Variants in AGAP1 observed in about 807,000 individuals in gnomAD.
AGAP1 encodes ArfGAP with GTPase domain, ankyrin repeat and PH domain 1.
Under a neutral mutation model 105.3 loss-of-function variants are expected in AGAP1, and 29 were observed. That is an observed-to-expected ratio of 0.28 (90% confidence interval 0.21 to 0.38). AGAP1 has a LOEUF of 0.38. Ranked by LOEUF, AGAP1 falls within the 10% of genes least tolerant of loss-of-function variation. AGAP1 has a pLI of 1.00. For missense variants in AGAP1, 998 were observed against 1,165.1 expected, an observed-to-expected ratio of 0.86 and a Z score of 2.09; for synonymous variants, 509 against 485.9, an observed-to-expected ratio of 1.05 and a Z score of -0.63.
In AGAP1 at chr2:235,681,473, C is replaced by A. The variant is rs192303945; in HGVS notation, c.164-27706C>A. 1.1e-3 allele frequency among the ~76,000 whole-genome samples: 167 copies of A among 152,288 alleles called. 1 individual carries two copies. The South Asian group carries it at 0.013, about 12-fold the overall frequency. ...ACCTTTCCTCCAGCTGGTGAACCAC[C>A]TTGTCTACTCCCTTGCCCCAACACA... On this transcript the variant is annotated intron_variant, in intron 1 of 17. Coordinates refer to ENST00000304032, the MANE Select transcript of AGAP1 (RefSeq NM_001037131.3).
At chr2:235,591,567 G>A (rs1156419140) in intron 1 of AGAP1, among the ~76,000 whole-genome samples, 1 of 152,082 alleles carries the variant, frequency 6.6e-6, no homozygotes, top group Non-Finnish European at 1.5e-5. Context: ...ATAAGCATAC[G>A]GCCTCTTCAG....
At chr2:235,852,646 C>A in intron 9 of AGAP1, 1 of 1,414,422 alleles carries the variant, frequency 7.1e-7, no homozygotes, top group Non-Finnish European at 9.3e-7. Context: ...TCAGATAAAG[C>A]AGTTGTGAAG....
rs767261188 is a variant in AGAP1 at position 235,874,979 on chromosome 2, A to G, written c.1051-8366A>G. Among the ~76,000 whole-genome samples the G allele has an allele frequency of 1.3e-5, 2 of 152,216 alleles. No homozygotes were observed. Among genetic ancestry groups the G allele is most frequent in the African/African-American group, 4.8e-5 (2 of 41,458 alleles). ...CTTGTGAAGCGGAAGCAAACTAGAAACAGCTCTCCCAAACGTGGGCAAAAA... is the reference window on the plus strand; with the variant it reads ...CTTGTGAAGCGGAAGCAAACTAGAAGCAGCTCTCCCAAACGTGGGCAAAAA... On this transcript the variant is annotated intron_variant, in intron 9 of 17. Transcript: ENST00000304032. This position sits in a 1 kb window ranked among gnomAD's most constrained non-coding sequence, Gnocchi z 4.5.
At chr2:235,526,467 G>C (rs1042579111) in intron 1 of AGAP1, among the ~76,000 whole-genome samples, 1 of 152,182 alleles carries the variant, frequency 6.6e-6, no homozygotes, top group African/African-American at 2.4e-5. Context: ...TGTTTACTTG[G>C]AGACTGTGAA....
At chr2:235,816,472 G>A (rs1380529796) in intron 9 of AGAP1, among the ~76,000 whole-genome samples, 1 of 150,890 alleles carries the variant, frequency 6.6e-6, no homozygotes, top group East Asian at 2.0e-4. Flanking sequence ...AGAAAGAGCA[G>A]GAGTGCAGAG....
At chr2:235,501,601 T>C (rs1941563963) in intron 1 of AGAP1, among the ~76,000 whole-genome samples, 1 of 152,214 alleles carries the variant, frequency 6.6e-6, no homozygotes, top group African/African-American at 2.4e-5. Flanking sequence ...CTCTTGTTTT[T>C]TGCCTAAACC....
rs115705601 is a variant in AGAP1, at chr2:236,046,435, G to A, written c.1892-2624G>A. 2.9e-3 allele frequency among the ~76,000 whole-genome samples: 441 copies of A among 152,276 alleles called. 1 individual carries two copies. The highest frequency in any genetic ancestry group is 0.01 in the African/African-American group (431 of 41,560). On this transcript the variant is annotated intron_variant, in intron 15 of 17. Transcript: ENST00000304032. This position sits in a 1 kb window ranked among gnomAD's most constrained non-coding sequence, Gnocchi z 5.2. ...AGGACGCCCATGGGAGCATAAGTTC[G>A]AGAAGAAAGCGTTGGACTTATGAGA... is the stretch of plus-strand genomic sequence containing the variant.
Position 236,040,356 on chromosome 2 carries a change from C to G in AGAP1, c.1801-395C>G, listed in dbSNP as rs976272252. On this transcript the variant is annotated intron_variant, in intron 14 of 17. Transcript: ENST00000304032. This position sits in a 1 kb window ranked among gnomAD's most constrained non-coding sequence, Gnocchi z 5.6. ...TTACATTGCTGATGAAGCCCTAACCCTGGGCTTATAAACGGATTATTTCTT... is the reference window on the plus strand; with the variant it reads ...TTACATTGCTGATGAAGCCCTAACCGTGGGCTTATAAACGGATTATTTCTT... Among the ~76,000 whole-genome samples the G allele has an allele frequency of 3.3e-5, 5 of 152,114 alleles. No homozygotes were observed. Among genetic ancestry groups the G allele is most frequent in the Non-Finnish European group, 5.9e-5 (4 of 68,012 alleles).
rs544148751 is a variant in AGAP1, at chr2:235,744,420, G to A, written c.397-278G>A. ...GACAGGCCAGGAGCATGAGGACCGC[G>A]GGGACACTGTGTGGTTTGTGTCCTC... On this transcript the variant is annotated intron_variant, in intron 4 of 17. Transcript: ENST00000304032. The surrounding 1 kb of genome is among the most constrained non-coding windows in gnomAD (Gnocchi z 5.2). 1.2e-3 allele frequency among the ~76,000 whole-genome samples: 190 copies of A among 152,298 alleles called. 1 individual carries two copies. The highest frequency in any genetic ancestry group is 2.4e-3 in the Non-Finnish European group (165 of 68,034).
rs939276083 is a variant in AGAP1 at position 236,048,962 on chromosome 2, T to C, written c.1892-97T>C. 2.3e-5 allele frequency: 27 copies of C among 1,194,604 alleles called. No homozygotes were observed. The African/African-American group carries it at 3.9e-4, about 17-fold the overall frequency. 74.0% of individuals were successfully genotyped at this position (1,194,604 alleles called of 1,614,324 possible). On this transcript the variant is annotated intron_variant, in intron 15 of 17. Coordinates refer to ENST00000304032, the MANE Select transcript of AGAP1 (RefSeq NM_001037131.3). ...CGCCATGGATGTGGTTCTGTCGTTG[T>C]GAAGTTTGACTGATTCGTCGCCTTG...
In AGAP1 at chr2:235,610,877, C is replaced by T. The variant is rs536856212; in HGVS notation, c.164-98302C>T. On this transcript the variant is annotated intron_variant, in intron 1 of 17. Transcript: ENST00000304032. This position sits in a 1 kb window ranked among gnomAD's most constrained non-coding sequence, Gnocchi z 4.9. ...CTGCCCACAGCCTTCTCATTCTTGT[C>T]CTGTAGCCCAGTTTCGTTTCACCTG... is the stretch of plus-strand genomic sequence containing the variant. 6.6e-6 allele frequency among the ~76,000 whole-genome samples: 1 copy of T among 152,210 alleles called. No homozygotes were observed. The highest frequency in any genetic ancestry group is 2.4e-5 in the African/African-American group (1 of 41,500).
chr2:236,001,909 G>T lies in AGAP1; in HGVS notation c.1645+33286G>T, dbSNP rs1343690738. Among the ~76,000 whole-genome samples, 1 of 152,132 alleles carries T rather than the reference G, an allele frequency of 6.6e-6. No individual in the cohort carries two copies. Among genetic ancestry groups the T allele is most frequent in the Non-Finnish European group, 1.5e-5 (1 of 68,036 alleles). Reference sequence around the variant, plus strand: ...TAACAATTACCAGTAATACTTCCCTGAACATCATTGCACATACATTCTGAA... The same window carrying T: ...TAACAATTACCAGTAATACTTCCCTTAACATCATTGCACATACATTCTGAA... On this transcript the variant is annotated intron_variant, in intron 13 of 17. Transcript: ENST00000304032. The surrounding 1 kb of genome is among the most constrained non-coding windows in gnomAD (Gnocchi z 4.7).
At chr2:235,860,297 TTACGTAAG>T (rs2048876125) in intron 9 of AGAP1, among the ~76,000 whole-genome samples, 1 of 152,200 alleles carries the variant, frequency 6.6e-6, no homozygotes, top group Admixed American at 6.5e-5. Flanking sequence ...CTGGAAGTCA[TTACGTAAG>T]TGCGTTCGGT....
At chr2:235,816,473 G>A (rs965748818) in intron 9 of AGAP1, among the ~76,000 whole-genome samples, 1 of 151,624 alleles carries the variant, frequency 6.6e-6, no homozygotes, top group Admixed American at 6.6e-5. Flanking sequence ...GAAAGAGCAG[G>A]AGTGCAGAGA....
At chr2:236,023,463 AC>A (rs1431206012) in intron 13 of AGAP1, among the ~76,000 whole-genome samples, 1 of 152,152 alleles carries the variant, frequency 6.6e-6, no homozygotes, top group African/African-American at 2.4e-5. Context: ...GCGAAAACTC[AC>A]TTGTTAATAG....
In AGAP1 at chr2:235,723,007, G is replaced by GAA. The variant is rs1476650989; in HGVS notation, c.310+5364_310+5365insAA. Among the ~76,000 whole-genome samples the GAA allele has an allele frequency of 2.0e-5, 3 of 152,184 alleles. No individual in the cohort carries two copies. Among genetic ancestry groups the GAA allele is most frequent in the Non-Finnish European group, 4.4e-5 (3 of 68,036 alleles). On this transcript the variant is annotated intron_variant, in intron 3 of 17. Transcript: ENST00000304032. This position sits in a 1 kb window ranked among gnomAD's most constrained non-coding sequence, Gnocchi z 6.2. Reference sequence around the variant, plus strand: ...TGGCAGGTTAGAGAAGCTTGGTTTAGACGGTCGCTGCACTTAGAACTGTTG... The same window carrying GAA: ...TGGCAGGTTAGAGAAGCTTGGTTTAGAAACGGTCGCTGCACTTAGAACTGTTG...
intron 1 of AGAP1, among the ~76,000 whole-genome samples, chr2:235,641,550 C>T (rs1442987667): frequency 6.6e-6 from 1 of 152,186 alleles, no homozygotes; most frequent in Non-Finnish European, 1.5e-5. Context: ...CGTGGCCCGT[C>T]TGTGCCTGTG....
Position 235,953,669 on chromosome 2 carries a change from G to A in AGAP1, c.1484-14793G>A, listed in dbSNP as rs745542619. Reference sequence around the variant, plus strand: ...CATCTGTAAAGAAAATTTTTTCCACGCCTGTAATCTCAGTGCTTTGGGAGG... The same window carrying A: ...CATCTGTAAAGAAAATTTTTTCCACACCTGTAATCTCAGTGCTTTGGGAGG... On this transcript the variant is annotated intron_variant, in intron 12 of 17. Transcript: ENST00000304032. The surrounding 1 kb of genome is among the most constrained non-coding windows in gnomAD (Gnocchi z 5.2). Among the ~76,000 whole-genome samples, 3 of 152,110 alleles carry A rather than the reference G, an allele frequency of 2.0e-5. No homozygotes were observed. Among genetic ancestry groups the A allele is most frequent in the Admixed American group, 6.6e-5 (1 of 15,260 alleles).
At chr2:235,680,722 C>T (rs940148821) in intron 1 of AGAP1, among the ~76,000 whole-genome samples, 1 of 151,600 alleles carries the variant, frequency 6.6e-6, no homozygotes, top group African/African-American at 2.4e-5. Context: ...GCCTGAGCTT[C>T]TCCTTGTTGG....
Sources: allele counts gnomAD v4.1 joint callset (sites outside exome capture counted in the v4.1 genomes callset), GRCh38; gene constraint gnomAD v4.1.1; non-coding constraint Gnocchi (gnomAD v3.1); transcripts MANE v1.5; gene names NCBI Gene and HGNC (gene_info 2026-07-23, HGNC 2026-07-21).